TUFT1: variants seen among roughly 807,000 people sequenced by gnomAD.
TUFT1 encodes the protein tuftelin.
Under a neutral mutation model 57.8 loss-of-function variants are expected in TUFT1, and 43 were observed. That is an observed-to-expected ratio of 0.74 (90% CI 0.58 to 0.96). The LOEUF is 0.96. Among genes scored for constraint, TUFT1 ranks in the 40% least tolerant of loss-of-function variants. The probability of loss-of-function intolerance (pLI) is 0.00; values close to 1 mark genes in which losing one functional copy is unlikely to be tolerated. For synonymous variants in TUFT1, 166 were observed against 176.7 expected, an observed-to-expected ratio of 0.94 and a Z score of 0.48; for missense variants, 459 against 489.0, an observed-to-expected ratio of 0.94 and a Z score of 0.58.
chr1:151,575,688 C>T (rs934700253), intron 9 of TUFT1, among the ~76,000 whole-genome samples: 4 of 152,204 alleles, frequency 2.6e-5, no homozygotes, highest in African/African-American at 9.7e-5. Context: ...ATAAATAAGA[C>T]CTCAAATGGT....
chr1:151,578,601 C>CG, intron 9 of TUFT1, 120 bp from the exon 10 acceptor site: 1 of 767,534 alleles, frequency 1.3e-6, no homozygotes. Flanking sequence ...AGCAGCCTAC[C>CG]AGGGAATCAG....
intron 9 of TUFT1, among the ~76,000 whole-genome samples, chr1:151,577,000 C>G (rs1666488631): frequency 6.6e-6 from 1 of 152,144 alleles, no homozygotes. Flanking sequence ...TCTCGAACTC[C>G]TGGGCTCAAG....
chr1:151,577,297 C>T (rs1022928544), intron 9 of TUFT1, among the ~76,000 whole-genome samples: 3 of 152,152 alleles, frequency 2.0e-5, no homozygotes, highest in African/African-American at 7.2e-5. Flanking sequence ...TATCCCCTGT[C>T]CCTTTCCCAG....
rs369972821 is a variant in TUFT1 at position 151,581,022 on chromosome 1, C to G, written c.1089C>G (p.Ala363=). ...GCAACTTCAGCACCCAGGCCCGGGC[C>G]AAGACAGAGAACCCGGGCAGGTGAG... is the stretch of plus-strand genomic sequence containing the variant. The part of the protein sequence containing the change: ...SHGNFSTQAR[A]KTENPGSIRI... The change falls in exon 12 of 13, where the codon GCC becomes GCG. Residue 363 remains alanine (A), a synonymous_variant. Coordinates refer to ENST00000368849, the MANE Select transcript of TUFT1 (RefSeq NM_020127.3). 2.5e-6 allele frequency: 4 copies of G among 1,613,852 alleles called. No homozygotes were observed. In the African/African-American group the frequency reaches 5.3e-5, roughly 22 times the overall value.
chr1:151,573,888 G>A (rs1666353840), intron 7 of TUFT1, among the ~76,000 whole-genome samples: 1 of 152,200 alleles, frequency 6.6e-6, no homozygotes, highest in African/African-American at 2.4e-5. Flanking sequence ...GAAAGGAACT[G>A]GAGGTATCCT....
chr1:151,576,463 C>G (rs904170819), intron 9 of TUFT1, among the ~76,000 whole-genome samples: 1 of 152,186 alleles, frequency 6.6e-6, no homozygotes, highest in Non-Finnish European at 1.5e-5. Flanking sequence ...AAGGGCCAGT[C>G]CTGCAAGACT....
At chr1:151,561,926 G>C (rs1408545173) in intron 1 of TUFT1, 165 bp from the exon 2 acceptor site, 2 of 1,511,652 alleles carry the variant, frequency 1.3e-6, no homozygotes, top group African/African-American at 2.8e-5. Context: ...CCTGATCTTG[G>C]GCAAGGTAAT....
chr1:151,551,798 C>T (rs1665519151), intron 1 of TUFT1, among the ~76,000 whole-genome samples: 1 of 152,074 alleles, frequency 6.6e-6, no homozygotes, highest in Non-Finnish European at 1.5e-5. Flanking sequence ...TGGTCCTGAT[C>T]ATAAGGGGAC....
intron 10 of TUFT1, 21 bp downstream of exon 10, chr1:151,578,847 A>G: frequency 6.5e-7 from 1 of 1,537,422 alleles, no homozygotes; most frequent in African/African-American, 1.4e-5. Flanking sequence ...CTGGTTTGTA[A>G]CCTGCCCTCG....
rs1666692038 is a variant in TUFT1 at position 151,583,072 on chromosome 1, A to T, written c.*1365A>T. The T allele has an allele frequency of 6.6e-6, 1 of 151,854 alleles. No homozygotes were observed. Among genetic ancestry groups the T allele is most frequent in the Admixed American group, 6.6e-5 (1 of 15,218 alleles). 9.4% of individuals were successfully genotyped at this position (151,854 alleles called of 1,614,324 possible). A position where few individuals can be genotyped will look rare whatever the true frequency, so the allele number is the denominator to read the frequency against. ...TGCCTCAGCCTCCCGAGTAGCTGGG[A>T]CTACAGGTGTGCCACCACGCCTGGC... is the stretch of plus-strand genomic sequence containing the variant. On this transcript the variant is annotated 3_prime_UTR_variant, in exon 13 of 13. Coordinates refer to ENST00000368849, the MANE Select transcript of TUFT1 (RefSeq NM_020127.3).
chr1:151,581,816 C>A lies in TUFT1; in HGVS notation c.*109C>A. 8.4e-7 allele frequency: 1 copy of A among 1,193,860 alleles called. No individual in the cohort carries two copies. Among genetic ancestry groups the A allele is most frequent in the Non-Finnish European group, 1.2e-6 (1 of 813,998 alleles). The allele number at this position is 1,193,860 out of a possible 1,614,324, so 74.0% of individuals were successfully genotyped here. On this transcript the variant is annotated 3_prime_UTR_variant, in exon 13 of 13. Coordinates refer to ENST00000368849, the MANE Select transcript of TUFT1 (RefSeq NM_020127.3). Reference sequence around the variant, plus strand: ...TGACTTCCTGACTGTCCCCTGGCTGCACCCAGGACTTCGGGCTCCTGTGTC... The same window carrying A: ...TGACTTCCTGACTGTCCCCTGGCTGAACCCAGGACTTCGGGCTCCTGTGTC...
chr1:151,566,093 A>AG, intron 5 of TUFT1, 70 bp from the exon 6 acceptor site: 1 of 975,860 alleles, frequency 1.0e-6, no homozygotes, highest in South Asian at 1.4e-5. Context: ...TTTGAGTGTT[A>AG]GGAGAATAAT....
intron 8 of TUFT1, among the ~76,000 whole-genome samples, 198 bp from the exon 9 acceptor site, chr1:151,574,713 G>GA (rs1666391984): frequency 6.6e-6 from 1 of 152,206 alleles, no homozygotes; most frequent in Non-Finnish European, 1.5e-5. Context: ...CCTCAGGGCA[G>GA]CTGGGTGAGG....
chr1:151,573,489 A>G (rs1666337577), intron 7 of TUFT1, among the ~76,000 whole-genome samples: 1 of 152,214 alleles, frequency 6.6e-6, no homozygotes, highest in Non-Finnish European at 1.5e-5. Flanking sequence ...TCACTCCTGT[A>G]ATCCCAGCAC....
At chr1:151,562,444 G>A in intron 2 of TUFT1, 141 bp from the exon 3 acceptor site, 1 of 772,778 alleles carries the variant, frequency 1.3e-6, no homozygotes. Context: ...CGAATTTTTG[G>A]AGAGGAAAGT....
chr1:151,556,832 T>C (rs887267473), intron 1 of TUFT1, among the ~76,000 whole-genome samples: 1 of 152,112 alleles, frequency 6.6e-6, no homozygotes, highest in Admixed American at 6.5e-5. Context: ...AGCCAGGCAT[T>C]GTCACGGGAG....
rs923184073 is a variant in TUFT1 at position 151,574,979 on chromosome 1, T to C, written c.792T>C (p.Asn264=). The part of the protein sequence containing the change: ...EVALEELRSN[N]ADCQAEREKA... ...CCCTAGAGGAACTTCGGAGCAACAA[T>C]GCTGACTGCCAAGCAGAACGAGAAA... The change falls in exon 9 of 13, where the codon AAT becomes AAC. Residue 264 remains asparagine, a synonymous_variant. Transcript: ENST00000368849. 6.4e-7 allele frequency: 1 copy of C among 1,570,890 alleles called. No individual in the cohort carries two copies. The highest frequency in any genetic ancestry group is 1.3e-5 in the African/African-American group (1 of 74,184).
At chr1:151,564,139 T>C (rs968208903) in intron 4 of TUFT1, 149 bp downstream of exon 4, 13 of 649,266 alleles carry the variant, frequency 2.0e-5, no homozygotes, top group Admixed American at 3.0e-5. Flanking sequence ...GTGTGTCAAA[T>C]ATATAACTTT....
At chr1:151,550,148 C>T (rs933717367) in intron 1 of TUFT1, among the ~76,000 whole-genome samples, 7 of 152,202 alleles carry the variant, frequency 4.6e-5, no homozygotes, top group Non-Finnish European at 8.8e-5. Context: ...TCTCCTGCCT[C>T]AGCCTCCCAG....
Sources: allele counts gnomAD v4.1 joint callset (sites outside exome capture counted in the v4.1 genomes callset), GRCh38; gene constraint gnomAD v4.1.1; transcripts MANE v1.5; gene names NCBI Gene and HGNC (gene_info 2026-07-23, HGNC 2026-07-21).